MCTP2: variants seen among roughly 807,000 people sequenced by gnomAD.
MCTP2 encodes the protein multiple C2 and transmembrane domain containing 2, also known as multiple C2 and transmembrane domain-containing protein 2.
MCTP2 carries 132 observed loss-of-function variants against 111.6 expected under a neutral mutation model. The ratio of observed to expected loss-of-function variants is 1.18; its 90% CI spans 1.03 to 1.37. The LOEUF is 1.37. Ranked by LOEUF, MCTP2 falls within the 40% of genes most tolerant of loss-of-function variation. MCTP2 has a pLI of 0.00. For synonymous variants in MCTP2, 395 were observed against 387.7 expected, an observed-to-expected ratio of 1.02 and a Z score of -0.22; for missense variants, 1,183 against 1,067.9, an observed-to-expected ratio of 1.11 and a Z score of -1.50.
chr15:94,245,441 C>G (rs201110510), intron 1 of MCTP2, among the ~76,000 whole-genome samples: 1 of 130,664 alleles, frequency 7.7e-6, no homozygotes, highest in African/African-American at 2.8e-5. Context: ...TTTATATATA[C>G]ACATATATGT....
In MCTP2 at chr15:94,339,230, A is replaced by G. The variant is rs563628201; in HGVS notation, c.638-60A>G. ...GTGGGGAAAGGATCTTTATTTAATG[A>G]AAGTCCCAGGCTTTTACATGTATTT... On this transcript the variant is annotated intron_variant, in intron 4 of 22. Transcript: ENST00000357742. The G allele has an allele frequency of 1.7e-3, 2,246 of 1,301,156 alleles. 4 individuals carry two copies. The highest frequency in any genetic ancestry group is 2.6e-3 in the Admixed American group (123 of 47,198). 80.6% of individuals were successfully genotyped at this position (1,301,156 alleles called of 1,614,324 possible).
intron 17 of MCTP2, among the ~76,000 whole-genome samples, chr15:94,425,242 A>G (rs2082825846): frequency 6.6e-6 from 1 of 152,210 alleles, no homozygotes; most frequent in African/African-American, 2.4e-5. Flanking sequence ...TGCAATTTCT[A>G]CGAAGTCATA....
At chr15:94,266,094 A>ACG (rs397800216) in intron 1 of MCTP2, among the ~76,000 whole-genome samples, 1 of 149,844 alleles carries the variant, frequency 6.7e-6, no homozygotes, top group East Asian at 2.0e-4. Flanking sequence ...ACACACACAC[A>ACG]CGTGCTCTAC....
intron 11 of MCTP2, among the ~76,000 whole-genome samples, chr15:94,368,670 G>C (rs1016511368): frequency 6.6e-6 from 1 of 152,164 alleles, no homozygotes; most frequent in Non-Finnish European, 1.5e-5. Context: ...GCGCATGTGA[G>C]GCTGGCATAC....
At chr15:94,262,373 T>A (rs1393401573) in intron 1 of MCTP2, among the ~76,000 whole-genome samples, 3 of 152,194 alleles carry the variant, frequency 2.0e-5, no homozygotes, top group Admixed American at 1.3e-4. Context: ...ACTATTTCTT[T>A]TGGAAGATGA....
In MCTP2 at chr15:94,476,782, G is replaced by C; in HGVS notation, c.2557G>C (p.Asp853His). Reference sequence around the variant, plus strand: ...AGACTTCCTCTCTAGGGTACCGTCTGATGTTCAAAAGGTATGTAATGAATG... The same window carrying C: ...AGACTTCCTCTCTAGGGTACCGTCTCATGTTCAAAAGGTATGTAATGAATG... The part of the protein sequence containing the change: ...LLDFLSRVPS[D>H]VQKVQYAELK... The change falls in exon 22 of 23, where the codon GAT becomes CAT. Residue 853 changes from aspartate (D) to histidine (H), a missense_variant. By Grantham distance (81) the Asp-to-His change is moderately conservative (BLOSUM62 -1). Coordinates refer to ENST00000357742, the MANE Select transcript of MCTP2 (RefSeq NM_001385001.1). 2 of 1,594,274 alleles carry C rather than the reference G, an allele frequency of 1.3e-6. No homozygotes were observed. The highest frequency in any genetic ancestry group is 1.7e-5 in the Admixed American group (1 of 59,948).
rs1230015103 is a variant in MCTP2, at chr15:94,482,774, T to C, written c.*3740T>C. The C allele has an allele frequency of 6.6e-6, 1 of 152,200 alleles. No individual in the cohort carries two copies. Among genetic ancestry groups the C allele is most frequent in the Non-Finnish European group, 1.5e-5 (1 of 68,038 alleles). The allele number at this position is 152,200 out of a possible 1,614,324, so 9.4% of individuals were successfully genotyped here. A position where few individuals can be genotyped will look rare whatever the true frequency, so the allele number is the denominator to read the frequency against. ...TAGAAAGGCAAGTCAGTTAAGAGTGTAAATAGAAACGGGTAAATACAGAGG... is the reference window on the plus strand; with the variant it reads ...TAGAAAGGCAAGTCAGTTAAGAGTGCAAATAGAAACGGGTAAATACAGAGG... On this transcript the variant is annotated 3_prime_UTR_variant, in exon 23 of 23. Transcript: ENST00000357742.
At chr15:94,443,998 A>AAAC (rs1555476113) in intron 19 of MCTP2, among the ~76,000 whole-genome samples, 25 of 149,732 alleles carry the variant, frequency 1.7e-4, no homozygotes, top group Admixed American at 1.2e-3. Flanking sequence ...AAAAAAAAAA[A>AAAC]AAAAAAAACA....
chr15:94,416,140 T>G (rs2082368082), intron 17 of MCTP2, among the ~76,000 whole-genome samples: 1 of 152,146 alleles, frequency 6.6e-6, no homozygotes, highest in South Asian at 2.1e-4. Flanking sequence ...CAGTTCAAAT[T>G]GCTAATATAT....
intron 17 of MCTP2, among the ~76,000 whole-genome samples, chr15:94,405,832 G>T (rs1461986591): frequency 6.6e-6 from 1 of 151,868 alleles, no homozygotes; most frequent in African/African-American, 2.4e-5. Context: ...CAGATATTTT[G>T]GTATCTTGCC....
chr15:94,362,122 G>A (rs2078974632), intron 10 of MCTP2, among the ~76,000 whole-genome samples: 1 of 152,112 alleles, frequency 6.6e-6, no homozygotes, highest in African/African-American at 2.4e-5. Flanking sequence ...GTTGCCTACC[G>A]ACTCCAGTGT....
At chr15:94,285,407 T>C (rs1043206779) in intron 1 of MCTP2, among the ~76,000 whole-genome samples, 1 of 152,166 alleles carries the variant, frequency 6.6e-6, no homozygotes. Context: ...TGGTGGGGAA[T>C]CTCCCAAAAT....
intron 12 of MCTP2, among the ~76,000 whole-genome samples, chr15:94,373,716 A>G (rs1295111651): frequency 6.6e-6 from 1 of 152,214 alleles, no homozygotes; most frequent in Non-Finnish European, 1.5e-5. Flanking sequence ...TCTCAGGTCT[A>G]TGCCAACGTT....
chr15:94,462,346 A>T (rs924818123), intron 20 of MCTP2, among the ~76,000 whole-genome samples: 1 of 152,234 alleles, frequency 6.6e-6, no homozygotes, highest in Non-Finnish European at 1.5e-5. Context: ...CATTTGTCTC[A>T]TAAGTGCCTA....
intron 1 of MCTP2, among the ~76,000 whole-genome samples, chr15:94,283,617 A>C (rs1567327748): frequency 1.3e-5 from 2 of 151,824 alleles, no homozygotes; most frequent in East Asian, 3.9e-4. Flanking sequence ...CTGCTTGGCA[A>C]CCCCATGTAG....
intron 12 of MCTP2, among the ~76,000 whole-genome samples, chr15:94,379,070 GT>G (rs947050953): frequency 1.0e-3 from 144 of 144,250 alleles, no homozygotes; most frequent in South Asian, 3.8e-3. Context: ...TTTGTTTTTT[GT>G]TTTTTTTTTT....
intron 2 of MCTP2, among the ~76,000 whole-genome samples, chr15:94,299,475 G>A (rs916438209): frequency 1.6e-4 from 25 of 152,202 alleles, no homozygotes; most frequent in South Asian, 6.2e-4. Context: ...GTGTGCACTC[G>A]CCTGTGAACA....
chr15:94,367,519 T>C, intron 10 of MCTP2, 86 bp from the exon 11 acceptor site: 3 of 1,080,590 alleles, frequency 2.8e-6, no homozygotes, highest in Non-Finnish European at 4.0e-6. Flanking sequence ...TGGGGGATGA[T>C]GAAATCAAAG....
chr15:94,245,243 T>C (rs9796563), intron 1 of MCTP2, among the ~76,000 whole-genome samples: 57,317 of 140,698 alleles, frequency 0.41, 11,953 homozygotes, highest in Non-Finnish European at 0.44. Flanking sequence ...TATGTATATA[T>C]ACACATATGT....
Sources: allele counts gnomAD v4.1 joint callset (sites outside exome capture counted in the v4.1 genomes callset), GRCh38; gene constraint gnomAD v4.1.1; transcripts MANE v1.5; gene names NCBI Gene and HGNC (gene_info 2026-07-23, HGNC 2026-07-21).